Variants in DTWD1 observed in about 807,000 individuals in gnomAD.
DTWD1 encodes DTW motif tRNA-uridine aminocarboxypropyltransferase 1, also known as tRNA-uridine aminocarboxypropyltransferase 1.
In DTWD1, 27 loss-of-function variants were observed where a neutral mutation model predicts 30.2. The ratio of observed to expected loss-of-function variants is 0.90; its 90% CI spans 0.66 to 1.23. The LOEUF (loss-of-function observed/expected upper bound fraction) is 1.23, where lower values mean the gene tolerates loss of function less well. Ranked by LOEUF, DTWD1 falls within the 50% of genes most tolerant of loss-of-function variation. The probability of loss-of-function intolerance (pLI) is 0.00; values close to 1 mark genes in which losing one functional copy is unlikely to be tolerated. For synonymous variants in DTWD1, 99 were observed against 113.1 expected (o/e 0.88, Z 0.79); for missense variants, 342 against 348.8 (o/e 0.98, Z 0.15).
intron 3 of DTWD1, among the ~76,000 whole-genome samples, chr15:49,634,282 C>T (rs1287502650): frequency 6.6e-6 from 1 of 152,000 alleles, no homozygotes; most frequent in East Asian, 1.9e-4. Context: ...TCAAGTATGA[C>T]TAACTTGGCA....
In DTWD1 at chr15:49,649,808, T is replaced by C. The variant is rs982821982; in HGVS notation, c.*6230T>C. ...AGGGTTTCAGGATTCATTCATCCAT[T>C]CTAAAAAATTTTGAGTGCATACTAT... On this transcript the variant is annotated 3_prime_UTR_variant, in exon 5 of 5. Coordinates refer to ENST00000403028, the MANE Select transcript of DTWD1 (RefSeq NM_001144955.2). 1 of 152,132 alleles carries C rather than the reference T, an allele frequency of 6.6e-6. No homozygotes were observed. Among genetic ancestry groups the C allele is most frequent in the Non-Finnish European group, 1.5e-5 (1 of 68,024 alleles). 9.4% of individuals were successfully genotyped at this position (152,132 alleles called of 1,614,324 possible).
intron 4 of DTWD1, among the ~76,000 whole-genome samples, chr15:49,636,657 GT>G (rs1259310234): frequency 1.3e-5 from 2 of 152,084 alleles, no homozygotes; most frequent in African/African-American, 4.8e-5. Context: ...ATACTTACAG[GT>G]AAGGATAAAT....
chr15:49,638,224 A>G (rs2079025794), intron 4 of DTWD1, among the ~76,000 whole-genome samples: 1 of 152,230 alleles, frequency 6.6e-6, no homozygotes, highest in African/African-American at 2.4e-5. Context: ...AAACTATAAA[A>G]GGAATTATTG....
rs1298770168 is a variant in DTWD1 at position 49,646,023 on chromosome 15, A to C, written c.*2445A>C. 6.6e-6 allele frequency: 1 copy of C among 152,090 alleles called. No individual in the cohort carries two copies. The highest frequency in any genetic ancestry group is 2.4e-5 in the African/African-American group (1 of 41,416). 9.4% of individuals were successfully genotyped at this position (152,090 alleles called of 1,614,324 possible). On this transcript the variant is annotated 3_prime_UTR_variant, in exon 5 of 5. Transcript: ENST00000403028. ...TCATCTGCATTCAGAGATTTAGTGC[A>C]TTTTTACTTACACTTGTGCTTCTGC...
Position 49,645,725 on chromosome 15 carries a change from C to T in DTWD1, c.*2147C>T, listed in dbSNP as rs1271274680. 1 of 152,002 alleles carries T rather than the reference C, an allele frequency of 6.6e-6. No homozygotes were observed. Among genetic ancestry groups the T allele is most frequent in the Non-Finnish European group, 1.5e-5 (1 of 67,988 alleles). The allele number at this position is 152,002 out of a possible 1,614,324, so 9.4% of individuals were successfully genotyped here. ...TTCTATCACTCATTTGCCTCCATCTCTCAGCTGGCATAAGAAAGATGACCC... is the reference window on the plus strand; with the variant it reads ...TTCTATCACTCATTTGCCTCCATCTTTCAGCTGGCATAAGAAAGATGACCC... On this transcript the variant is annotated 3_prime_UTR_variant, in exon 5 of 5. Transcript: ENST00000403028.
intron 2 of DTWD1, among the ~76,000 whole-genome samples, chr15:49,626,451 G>C (rs1252581296): frequency 1.3e-5 from 2 of 152,022 alleles, no homozygotes; most frequent in Non-Finnish European, 2.9e-5. Context: ...CACTACTTTT[G>C]TATAGGTAAA....
rs1029776770 is a variant in DTWD1 at position 49,644,482 on chromosome 15, C to T, written c.*904C>T. On this transcript the variant is annotated 3_prime_UTR_variant, in exon 5 of 5. Transcript: ENST00000403028. Reference sequence around the variant, plus strand: ...AGAGCCCTACTGTGCTGAATAGCTTCTGTCTGCTCTTTTCTATTCTGCTCC... The same window carrying T: ...AGAGCCCTACTGTGCTGAATAGCTTTTGTCTGCTCTTTTCTATTCTGCTCC... 13 of 152,300 alleles carry T rather than the reference C, an allele frequency of 8.5e-5. 1 individual carries two copies. In the South Asian group the frequency reaches 2.5e-3, roughly 29 times the overall value. 9.4% of individuals were successfully genotyped at this position (152,300 alleles called of 1,614,324 possible).
intron 4 of DTWD1, among the ~76,000 whole-genome samples, chr15:49,637,798 G>C (rs958321928): frequency 2.6e-5 from 4 of 152,152 alleles, no homozygotes; most frequent in Non-Finnish European, 5.9e-5. Flanking sequence ...TTTGGAGTCT[G>C]ATTGGTGTTC....
chr15:49,625,252 T>A lies in DTWD1; in HGVS notation c.85T>A (p.Ser29Thr). 5 of 1,613,532 alleles carry A rather than the reference T, an allele frequency of 3.1e-6. No homozygotes were observed. Among genetic ancestry groups the A allele is most frequent in the Non-Finnish European group, 4.2e-6 (5 of 1,179,680 alleles). Residue 29 changes from serine (S) to threonine (T), a missense_variant, in exon 2 of 5, where the codon TCC becomes ACC. Transcript: ENST00000403028. ...GGAAACAAAACAGTCACAAACTACT[T>A]CCATAGCTTCAGAAGATCCCCTTCA... is the stretch of plus-strand genomic sequence containing the variant. Reference protein sequence around the residue: ...FVETKQSQTTSIASEDPLQNL... With the variant: ...FVETKQSQTTTIASEDPLQNL...
At position 49,650,705 on chromosome 15, in the gene DTWD1, TA is replaced by T. The variant is rs1168299898; in HGVS notation, c.*7129del. 3.3e-5 allele frequency: 5 copies of T among 152,116 alleles called. No homozygotes were observed. Among genetic ancestry groups the T allele is most frequent in the Non-Finnish European group, 5.9e-5 (4 of 68,020 alleles). The allele number at this position is 152,116 out of a possible 1,614,324, so 9.4% of individuals were successfully genotyped here. A position where few individuals can be genotyped will look rare whatever the true frequency, so the allele number is the denominator to read the frequency against. ...CTCAGGGCAGCCCTCAGTGGAGATG[TA>T]AGGCCTTGCTACTTCAGCCTCATTT... On this transcript the variant is annotated 3_prime_UTR_variant, in exon 5 of 5. Transcript: ENST00000403028.
intron 4 of DTWD1, among the ~76,000 whole-genome samples, chr15:49,642,585 CCTAT>C (rs748691600): frequency 6.6e-5 from 10 of 152,028 alleles, no homozygotes; most frequent in Non-Finnish European, 1.3e-4. Flanking sequence ...CATTAAGCTG[CCTAT>C]CTCTCAGTGA....
intron 1 of DTWD1, among the ~76,000 whole-genome samples, chr15:49,622,081 A>G (rs1359330537): frequency 2.0e-5 from 3 of 152,200 alleles, no homozygotes; most frequent in Non-Finnish European, 2.9e-5. Context: ...CCATAAAGGT[A>G]GTTTGTCAGA....
intron 3 of DTWD1, among the ~76,000 whole-genome samples, chr15:49,632,943 G>A (rs1287743409): frequency 6.6e-6 from 1 of 151,588 alleles, no homozygotes; most frequent in African/African-American, 2.4e-5. Flanking sequence ...GTCTCTTGGA[G>A]GCCATTTGTT....
rs374064301 is a variant in DTWD1 at position 49,634,783 on chromosome 15, A to T, written c.656A>T (p.Glu219Val). Residue 219 changes from glutamate (E) to valine (V), a missense_variant, in exon 4 of 5, where the codon GAG (glutamate) becomes GTG (valine). Physicochemically the swap from Glu to Val is moderately radical, Grantham distance 121. Transcript: ENST00000403028. Reference protein sequence around the residue: ...WNQTNKIFTDERLQGLLQVEL... With the variant: ...WNQTNKIFTDVRLQGLLQVEL... ...CAAACAAACAAAATATTCACTGATGAGCGACTTCAAGGTAAAAAAAAAATG... is the reference window on the plus strand; with the variant it reads ...CAAACAAACAAAATATTCACTGATGTGCGACTTCAAGGTAAAAAAAAAATG... The T allele has an allele frequency of 6.4e-7, 1 of 1,565,828 alleles. No homozygotes were observed. Among genetic ancestry groups the T allele is most frequent in the African/African-American group, 1.4e-5 (1 of 71,984 alleles).
At chr15:49,624,491 CAT>C (rs1398197483) in intron 1 of DTWD1, among the ~76,000 whole-genome samples, 1 of 152,142 alleles carries the variant, frequency 6.6e-6, no homozygotes, top group Non-Finnish European at 1.5e-5. Flanking sequence ...TTTTAAAAAA[CAT>C]AAATTCTTAG....
chr15:49,623,403 G>A (rs1431491146), intron 1 of DTWD1, among the ~76,000 whole-genome samples: 2 of 151,662 alleles, frequency 1.3e-5, no homozygotes, highest in African/African-American at 4.9e-5. Flanking sequence ...CATTTCTGGG[G>A]ACTATTAGGA....
At position 49,651,069 on chromosome 15, in the gene DTWD1, T is replaced by C. The variant is rs1208250641; in HGVS notation, c.*7491T>C. 1.3e-5 allele frequency: 2 copies of C among 152,122 alleles called. No homozygotes were observed. The highest frequency in any genetic ancestry group is 6.6e-5 in the Admixed American group (1 of 15,260). The allele number at this position is 152,122 out of a possible 1,614,324, so 9.4% of individuals were successfully genotyped here. A position where few individuals can be genotyped will look rare whatever the true frequency, so the allele number is the denominator to read the frequency against. On this transcript the variant is annotated 3_prime_UTR_variant, in exon 5 of 5. Coordinates refer to ENST00000403028, the MANE Select transcript of DTWD1 (RefSeq NM_001144955.2). The stretch of plus-strand genomic sequence containing the variant: ...GTGCAGTATATCAGGTATTTGAGAC[T>C]CATGAAGGAAATAGTAAATTTAAGA...
rs2079146703 is a variant in DTWD1 at position 49,650,490 on chromosome 15, G to A, written c.*6912G>A. On this transcript the variant is annotated 3_prime_UTR_variant, in exon 5 of 5. Coordinates refer to ENST00000403028, the MANE Select transcript of DTWD1 (RefSeq NM_001144955.2). ...GACAAGATCCTGCATGTATTTTTAA[G>A]GTAGAGCCAGTATTTGCAGATAGTT... 6.6e-6 allele frequency: 1 copy of A among 152,102 alleles called. No individual in the cohort carries two copies. The highest frequency in any genetic ancestry group is 2.4e-5 in the African/African-American group (1 of 41,418). 9.4% of individuals were successfully genotyped at this position (152,102 alleles called of 1,614,324 possible).
chr15:49,632,057 G>A lies in DTWD1; in HGVS notation c.265-102G>A, dbSNP rs753160203. 7 of 1,012,322 alleles carry A rather than the reference G, an allele frequency of 6.9e-6. No individual in the cohort carries two copies. The South Asian group carries it at 1.1e-4, about 16-fold the overall frequency. 62.7% of individuals were successfully genotyped at this position (1,012,322 alleles called of 1,614,324 possible). On this transcript the variant is annotated intron_variant, in intron 2 of 4. Transcript: ENST00000403028. Reference sequence around the variant, plus strand: ...TTTTAAACCATATGCATATTTATAGGAGTTTATTGTGAGCTTCCTATTTAG... The same window carrying A: ...TTTTAAACCATATGCATATTTATAGAAGTTTATTGTGAGCTTCCTATTTAG...
Sources: allele counts gnomAD v4.1 joint callset (sites outside exome capture counted in the v4.1 genomes callset), GRCh38; gene constraint gnomAD v4.1.1; transcripts MANE v1.5; gene names NCBI Gene and HGNC (gene_info 2026-07-23, HGNC 2026-07-21).